WASHC5: variants seen among roughly 807,000 people sequenced by gnomAD.
WASHC5 encodes WASH complex subunit strumpellin.
Under a neutral mutation model 150.4 loss-of-function variants are expected in WASHC5, and 101 were observed. The observed-to-expected ratio is 0.67, with a 90% confidence interval of 0.57 to 0.79. WASHC5 has a LOEUF of 0.79. Ranked by LOEUF, WASHC5 falls within the 30% of genes least tolerant of loss-of-function variation. The probability of loss-of-function intolerance (pLI) is 0.00; values close to 1 mark genes in which losing one functional copy is unlikely to be tolerated. For missense variants in WASHC5, 1,195 were observed against 1,396.3 expected, an observed-to-expected ratio of 0.86 and a Z score of 2.30; for synonymous variants, 467 against 491.2, an observed-to-expected ratio of 0.95 and a Z score of 0.65.
chr8:125,052,609 T>TACACACAC (rs34684600), intron 17 of WASHC5, among the ~76,000 whole-genome samples: 4,025 of 141,772 alleles, frequency 0.028, 92 homozygotes, highest in African/African-American at 0.048. Flanking sequence ...TCACACACAC[T>TACACACAC]ACACACACAC....
chr8:125,044,822 T>C lies in WASHC5; in HGVS notation c.2505-124A>G, dbSNP rs576247952. ...CAGGAGTTACATGATCTGTGTTTTC[T>C]AACCTCTGTATTCAGGCACCCAATG... On this transcript the variant is annotated intron_variant, in intron 20 of 28. Transcript: ENST00000318410. The C allele has an allele frequency of 1.5e-5, 15 of 1,015,358 alleles. No individual in the cohort carries two copies. The East Asian group carries it at 3.3e-4, about 23-fold the overall frequency. The allele number at this position is 1,015,358 out of a possible 1,614,324, so 62.9% of individuals were successfully genotyped here.
Position 125,083,274 on chromosome 8 carries a change from A to C in WASHC5, c.187-16T>G. ...ATTCTGGACCCTGAGAAAAAAAAAC[A>C]CATGTGAAATGTCAATAAAAGCATA... is the stretch of plus-strand genomic sequence containing the variant. On this transcript the variant is annotated splice_polypyrimidine_tract_variant and intron_variant, in intron 2 of 28. Transcript: ENST00000318410. The C allele has an allele frequency of 6.2e-7, 1 of 1,605,156 alleles. No homozygotes were observed. Among genetic ancestry groups the C allele is most frequent in the Non-Finnish European group, 8.5e-7 (1 of 1,172,834 alleles).
chr8:125,047,657 C>G (rs552924559), intron 19 of WASHC5, among the ~76,000 whole-genome samples: 5 of 152,218 alleles, frequency 3.3e-5, no homozygotes, highest in Admixed American at 1.3e-4. Context: ...AGGCTGATCT[C>G]GAACTCCTGA....
chr8:125,088,630 C>T (rs1817497809), intron 1 of WASHC5, among the ~76,000 whole-genome samples: 1 of 151,980 alleles, frequency 6.6e-6, no homozygotes, highest in Non-Finnish European at 1.5e-5. Flanking sequence ...CAAAAACCAC[C>T]TGAGTGAACT....
intron 3 of WASHC5, 82 bp downstream of exon 3, chr8:125,083,031 G>A: frequency 1.1e-6 from 1 of 930,916 alleles, no homozygotes; most frequent in Non-Finnish European, 1.7e-6. Flanking sequence ...TAGTAACTCA[G>A]AGAGATTTAC....
At chr8:125,049,263 T>G in intron 18 of WASHC5, 78 bp from the exon 19 acceptor site, 2 of 1,491,250 alleles carry the variant, frequency 1.3e-6, no homozygotes, top group South Asian at 2.3e-5. Context: ...AACTAGACTT[T>G]AAATAGTATA....
chr8:125,061,331 C>T lies in WASHC5; in HGVS notation c.1409-137G>A, dbSNP rs76919910. 9.1e-3 allele frequency: 5,432 copies of T among 599,858 alleles called. 229 individuals are homozygous for T. In the African/African-American group the frequency reaches 0.092, roughly 10 times the overall value. 37.2% of individuals were successfully genotyped at this position (599,858 alleles called of 1,614,324 possible). A position where few individuals can be genotyped will look rare whatever the true frequency, so the allele number is the denominator to read the frequency against. On this transcript the variant is annotated intron_variant, in intron 11 of 28. Coordinates refer to ENST00000318410, the MANE Select transcript of WASHC5 (RefSeq NM_014846.4). ...GGCCTAACACTAGGAATTTTCCAAACGACAAAAATGCCTGGAGCATGCGAC... is the reference window on the plus strand; with the variant it reads ...GGCCTAACACTAGGAATTTTCCAAATGACAAAAATGCCTGGAGCATGCGAC...
chr8:125,032,498 G>C (rs186581707), intron 26 of WASHC5, 104 bp from the exon 27 acceptor site: 2 of 1,250,956 alleles, frequency 1.6e-6, no homozygotes, highest in Non-Finnish European at 2.3e-6. Flanking sequence ...CCATATTCTC[G>C]CTGGCAGATG....
At chr8:125,060,927 T>C (rs1246715537) in intron 12 of WASHC5, among the ~76,000 whole-genome samples, 155 bp downstream of exon 12, 21 of 152,350 alleles carry the variant, frequency 1.4e-4, no homozygotes, top group Non-Finnish European at 1.5e-5. Flanking sequence ...TCCCCAAATT[T>C]AGGACAGTAT....
chr8:125,029,581 G>A (rs1247349426), intron 27 of WASHC5, among the ~76,000 whole-genome samples: 1 of 152,164 alleles, frequency 6.6e-6, no homozygotes, highest in Non-Finnish European at 1.5e-5. Context: ...ATATTTGACG[G>A]TATCAAATAA....
chr8:125,075,278 G>A (rs1234441477), intron 7 of WASHC5, among the ~76,000 whole-genome samples, 167 bp from the exon 8 acceptor site: 1 of 152,074 alleles, frequency 6.6e-6, no homozygotes, highest in East Asian at 1.9e-4. Context: ...TGTTAAGTAA[G>A]TGTTCCTGAT....
intron 1 of WASHC5, among the ~76,000 whole-genome samples, chr8:125,086,488 C>G (rs1817425006): frequency 6.6e-6 from 1 of 152,122 alleles, no homozygotes; most frequent in Non-Finnish European, 1.5e-5. Context: ...ACAAAGATAC[C>G]AGTCATATTG....
At position 125,049,096 on chromosome 8, in the gene WASHC5, G is replaced by A; in HGVS notation, c.2289C>T (p.Asn763=). 1 of 1,613,744 alleles carries A rather than the reference G, an allele frequency of 6.2e-7. No individual in the cohort carries two copies. Among genetic ancestry groups the A allele is most frequent in the Non-Finnish European group, 8.5e-7 (1 of 1,179,864 alleles). The change falls in exon 19 of 29, where the codon AAC becomes AAT. Residue 763 remains asparagine (N), a synonymous_variant. Transcript: ENST00000318410. ...CCTGCCAAATCTTCAGACCATAAATGTTGACATAGTCCTGTATGTATTCAA... is the reference window on the plus strand; with the variant it reads ...CCTGCCAAATCTTCAGACCATAAATATTGACATAGTCCTGTATGTATTCAA... ...RSFEYIQDYV[N]IYGLKIWQEE...
chr8:125,067,730 G>C lies in WASHC5; in HGVS notation c.1151-11C>G, dbSNP rs1396710826. 6.2e-7 allele frequency: 1 copy of C among 1,613,144 alleles called. No homozygotes were observed. The highest frequency in any genetic ancestry group is 8.5e-7 in the Non-Finnish European group (1 of 1,179,344). ...TGTTTGGGTCACAGGCTAGAAACAGGAAAAGTGTTACCTGCTTACTAAATG... is the reference window on the plus strand; with the variant it reads ...TGTTTGGGTCACAGGCTAGAAACAGCAAAAGTGTTACCTGCTTACTAAATG... On this transcript the variant is annotated splice_polypyrimidine_tract_variant and intron_variant, in intron 9 of 28. Transcript: ENST00000318410.
At chr8:125,060,627 ATAAAC>A (rs1000626066) in intron 12 of WASHC5, among the ~76,000 whole-genome samples, 1 of 151,802 alleles carries the variant, frequency 6.6e-6, no homozygotes, top group African/African-American at 2.4e-5. Context: ...AAGAAAAACA[ATAAAC>A]TATTTTTTTC....
At chr8:125,024,906 C>A (rs1815332550) in intron 28 of WASHC5, among the ~76,000 whole-genome samples, 1 of 151,958 alleles carries the variant, frequency 6.6e-6, no homozygotes, top group Admixed American at 6.6e-5. Flanking sequence ...CTCCCGCCTC[C>A]AAATCTGAGC....
rs1411831571 is a variant in WASHC5 at position 125,067,642 on chromosome 8, G to T, written c.1228C>A (p.Leu410Ile). 1.6e-5 allele frequency: 26 copies of T among 1,613,252 alleles called. No homozygotes were observed. Among genetic ancestry groups the T allele is most frequent in the Non-Finnish European group, 2.2e-5 (26 of 1,179,364 alleles). ...LTDSRYNPRI[L>I]FQLLLDTAQF... Reference sequence around the variant, plus strand: ...GCAGTATCTAACAGCAGCTGGAAGAGGATCCTGGGATTGTACCGAGAGTCT... The same window carrying T: ...GCAGTATCTAACAGCAGCTGGAAGATGATCCTGGGATTGTACCGAGAGTCT... The change falls in exon 10 of 29, where the codon CTC (leucine) becomes ATC (isoleucine). Residue 410 changes from leucine to isoleucine, a missense_variant. Leu to Ile is a conservative substitution (Grantham distance 5, BLOSUM62 2). Transcript: ENST00000318410.
At chr8:125,078,511 T>A (rs776853894) in intron 6 of WASHC5, among the ~76,000 whole-genome samples, 5 of 152,204 alleles carry the variant, frequency 3.3e-5, no homozygotes, top group Non-Finnish European at 7.4e-5. Context: ...AAAGAATGCA[T>A]CTTCTTCCCA....
intron 18 of WASHC5, 139 bp downstream of exon 18, chr8:125,050,425 T>C (rs1816204663): frequency 9.0e-6 from 5 of 554,148 alleles, no homozygotes; most frequent in Non-Finnish European, 1.6e-5. Context: ...GCACATCAGT[T>C]GTTTGTGTTG....
Sources: allele counts gnomAD v4.1 joint callset (sites outside exome capture counted in the v4.1 genomes callset), GRCh38; gene constraint gnomAD v4.1.1; transcripts MANE v1.5; gene names NCBI Gene and HGNC (gene_info 2026-07-23, HGNC 2026-07-21).